NRG1: variants seen among roughly 807,000 people sequenced by gnomAD.
NRG1 encodes neuregulin 1, also known as pro-neuregulin-1, membrane-bound isoform.
Under a neutral mutation model 63.8 loss-of-function variants are expected in NRG1, and 18 were observed. That is an observed-to-expected ratio of 0.28 (90% CI 0.19 to 0.42). The LOEUF is 0.42. Ranked by LOEUF, NRG1 falls within the 10% of genes least tolerant of loss-of-function variation. NRG1 has a pLI of 1.00. For synonymous variants in NRG1, 302 were observed against 301.3 expected (o/e 1.00, Z -0.02); for missense variants, 762 against 814.7 (o/e 0.94, Z 0.79).
At chr8:31,979,153 T>G (rs1808669173) in intron 1 of NRG1, among the ~76,000 whole-genome samples, 1 of 152,166 alleles carries the variant, frequency 6.6e-6, no homozygotes, top group Admixed American at 6.6e-5. Flanking sequence ...ACTCAGATTC[T>G]TCCCTTTCTT....
chr8:32,564,361 C>CT (rs1433524704), intron 1 of NRG1, among the ~76,000 whole-genome samples: 2 of 152,024 alleles, frequency 1.3e-5, no homozygotes, highest in Non-Finnish European at 2.9e-5. Context: ...ATCAATCCCA[C>CT]TTTTTTTTCT....
chr8:32,152,111 G>T (rs1433164512), intron 1 of NRG1, among the ~76,000 whole-genome samples: 1 of 152,244 alleles, frequency 6.6e-6, no homozygotes, highest in Non-Finnish European at 1.5e-5. Context: ...AATCTTAAGT[G>T]TGCATGTATT....
At chr8:31,735,003 C>T (rs1814512933) in intron 1 of NRG1, among the ~76,000 whole-genome samples, 2 of 152,076 alleles carry the variant, frequency 1.3e-5, no homozygotes, top group African/African-American at 2.4e-5. Flanking sequence ...GTCATGGACA[C>T]CTGGACACAG....
At chr8:32,503,288 G>GAAAAAAAAAAAAAAAA (rs60857610) in intron 1 of NRG1, among the ~76,000 whole-genome samples, 1 of 54,862 alleles carries the variant, frequency 1.8e-5, no homozygotes. Context: ...CTCTGTCTCA[G>GAAAAAAAAAAAAAAAA]AAAAAAAAAA....
chr8:32,764,485 T>C, exon 12 of NRG1: 5 of 1,228,420 alleles, frequency 4.1e-6, no homozygotes, highest in South Asian at 2.0e-5. Flanking sequence ...CAATTTATTT[T>C]ATTTTAGCAG....
chr8:31,680,038 C>T (rs1808152795), intron 1 of NRG1, among the ~76,000 whole-genome samples: 1 of 151,954 alleles, frequency 6.6e-6, no homozygotes, highest in Non-Finnish European at 1.5e-5. Context: ...AACAAAGATC[C>T]TTGAGAAAAC....
intron 1 of NRG1, among the ~76,000 whole-genome samples, chr8:32,578,633 A>G (rs566653964): frequency 6.6e-6 from 1 of 152,268 alleles, no homozygotes; most frequent in African/African-American, 2.4e-5. Flanking sequence ...CATGACCATA[A>G]GGTTGGTTTG....
Position 32,650,346 on chromosome 8 carries a change from C to G in NRG1, c.502+33461C>G, listed in dbSNP as rs141940758. Among the ~76,000 whole-genome samples the G allele has an allele frequency of 2.0e-5, 3 of 151,950 alleles. No homozygotes were observed. In the South Asian group the frequency reaches 6.2e-4, roughly 32 times the overall value. ...ACAGCTGCAACGTTTTGAAGTGCATCGGAGATAAGCCTAGAGAAGCAGTCT... is the reference window on the plus strand; with the variant it reads ...ACAGCTGCAACGTTTTGAAGTGCATGGGAGATAAGCCTAGAGAAGCAGTCT... On this transcript the variant is annotated intron_variant, in intron 5 of 11. Transcript: ENST00000356819.
chr8:31,974,066 C>T (rs960953723), intron 1 of NRG1, among the ~76,000 whole-genome samples: 8 of 152,110 alleles, frequency 5.3e-5, no homozygotes, highest in East Asian at 1.9e-4. Flanking sequence ...TAACCTTGAG[C>T]GCTAGGAAGA....
chr8:31,823,448 T>G (rs982217751), intron 1 of NRG1, among the ~76,000 whole-genome samples: 2 of 152,176 alleles, frequency 1.3e-5, no homozygotes, highest in African/African-American at 2.4e-5. Flanking sequence ...GCCTGAATAC[T>G]ACATTGTTTT....
chr8:32,598,136 C>T (rs1173923557), intron 2 of NRG1, among the ~76,000 whole-genome samples: 1 of 152,118 alleles, frequency 6.6e-6, no homozygotes, highest in Non-Finnish European at 1.5e-5. Context: ...ATTACAATCT[C>T]TGTGCCCAGG....
intron 1 of NRG1, among the ~76,000 whole-genome samples, chr8:32,233,551 ATATATATATATATTTTTTTTT>A (rs1372628186): frequency 5.5e-5 from 4 of 72,516 alleles, no homozygotes; most frequent in African/African-American, 2.2e-4. Flanking sequence ...ATATATATAT[ATATATATATATATTTTTTTTT>A]TTTTTTCTTT....
intron 5 of NRG1, among the ~76,000 whole-genome samples, chr8:32,629,994 TC>T (rs1314827504): frequency 6.6e-6 from 1 of 152,190 alleles, no homozygotes; most frequent in East Asian, 1.9e-4. Flanking sequence ...ATATTGTTAG[TC>T]CCATTATGTA....
At chr8:32,217,074 G>C (rs1035286032) in intron 1 of NRG1, among the ~76,000 whole-genome samples, 2 of 151,718 alleles carry the variant, frequency 1.3e-5, no homozygotes, top group Non-Finnish European at 2.9e-5. Context: ...TTAGCCGGGC[G>C]TGGTGGCACA....
chr8:32,581,665 C>T lies in NRG1; in HGVS notation c.101-14163C>T, dbSNP rs150106864. On this transcript the variant is annotated intron_variant, in intron 1 of 11. Transcript: ENST00000356819. ...AGAAACATGGAAGAGGGATACTTAA[C>T]TTATTATTCAAAAGAGACACTTATT... Among the ~76,000 whole-genome samples, 554 of 152,248 alleles carry T rather than the reference C, an allele frequency of 3.6e-3. 2 individuals carry two copies. Among genetic ancestry groups the T allele is most frequent in the Middle Eastern group, 0.014 (4 of 294 alleles).
chr8:31,984,164 T>A (rs902112578), intron 1 of NRG1, among the ~76,000 whole-genome samples: 1 of 152,056 alleles, frequency 6.6e-6, no homozygotes. Context: ...AAGGGAAAAA[T>A]TTTTACTTAT....
intron 5 of NRG1, chr8:32,647,468 T>G (rs1853860267): frequency 1.0e-6 from 1 of 985,274 alleles, no homozygotes; most frequent in South Asian, 4.7e-5. Flanking sequence ...GAGTAGCATT[T>G]AAAAGAACTA....
At chr8:31,639,821 A>T in intron 1 of NRG1, 3 of 1,207,520 alleles carry the variant, frequency 2.5e-6, no homozygotes, top group Non-Finnish European at 3.1e-6. Flanking sequence ...TCCTCCTCCC[A>T]TAAACAACTC....
chr8:31,645,428 G>A (rs959796912), intron 1 of NRG1, among the ~76,000 whole-genome samples: 1 of 152,168 alleles, frequency 6.6e-6, no homozygotes, highest in Non-Finnish European at 1.5e-5. Flanking sequence ...GTTGTTGAGT[G>A]CTGTAGTGCA....
Sources: allele counts gnomAD v4.1 joint callset (sites outside exome capture counted in the v4.1 genomes callset), GRCh38; gene constraint gnomAD v4.1.1; transcripts MANE v1.5; gene names NCBI Gene and HGNC (gene_info 2026-07-23, HGNC 2026-07-21).